Variants in WDR72 observed in about 807,000 individuals in gnomAD.
The protein encoded by WDR72 is WD repeat-containing protein 72.
A neutral mutation model predicts 124.2 loss-of-function variants in WDR72; 120 were observed. That is an observed-to-expected ratio of 0.97 (90% CI 0.83 to 1.12). The LOEUF is 1.12. Ranked by LOEUF, WDR72 falls within the 50% of genes most tolerant of loss-of-function variation. The pLI, the probability that WDR72 is intolerant of heterozygous loss-of-function variation, is 0.00. For missense variants in WDR72, 1,387 were observed against 1,278.8 expected (o/e 1.08, Z -1.29); for synonymous variants, 452 against 441.7 (o/e 1.02, Z -0.29).
At chr15:53,619,366 T>A (rs938711397) in intron 14 of WDR72, among the ~76,000 whole-genome samples, 3 of 151,794 alleles carry the variant, frequency 2.0e-5, no homozygotes, top group Admixed American at 6.6e-5. Context: ...TTTTAGTTTG[T>A]GAATACCAGG....
chr15:53,714,545 C>T, intron 5 of WDR72, 35 bp from the exon 6 acceptor site: 1 of 1,523,848 alleles, frequency 6.6e-7, no homozygotes, highest in Middle Eastern at 1.7e-4. Context: ...ATAAGCTTAC[C>T]ATGGATATAA....
At chr15:53,639,488 TTTTATTTA>T (rs1191649907) in intron 14 of WDR72, among the ~76,000 whole-genome samples, 1 of 145,670 alleles carries the variant, frequency 6.9e-6, no homozygotes, top group Non-Finnish European at 1.5e-5. Context: ...TTTTATATAA[TTTTATTTA>T]TTTATAAAAT....
At chr15:53,533,457 C>T (rs1046090592) in intron 18 of WDR72, among the ~76,000 whole-genome samples, 8 of 151,974 alleles carry the variant, frequency 5.3e-5, no homozygotes, top group Admixed American at 3.3e-4. Context: ...GTATCTTTCC[C>T]TCCAGCCATT....
intron 14 of WDR72, among the ~76,000 whole-genome samples, chr15:53,660,396 G>A (rs1197606188): frequency 6.6e-6 from 1 of 152,016 alleles, no homozygotes; most frequent in African/African-American, 2.4e-5. Context: ...GTTATTTTTT[G>A]TGTCATAAAA....
chr15:53,748,151 T>C (rs1335439767), intron 1 of WDR72, among the ~76,000 whole-genome samples: 1 of 152,118 alleles, frequency 6.6e-6, no homozygotes, highest in African/African-American at 2.4e-5. Context: ...GCCCTCAAAA[T>C]ATTTACCATG....
At chr15:53,711,533 A>C in intron 7 of WDR72, 52 bp from the exon 8 acceptor site, 1 of 1,564,806 alleles carries the variant, frequency 6.4e-7, no homozygotes, top group Non-Finnish European at 8.8e-7. Context: ...TAGTCTGCCA[A>C]TAAGATGAAT....
chr15:53,696,241 C>A (rs17663120), intron 13 of WDR72, among the ~76,000 whole-genome samples: 4 of 151,916 alleles, frequency 2.6e-5, no homozygotes, highest in African/African-American at 7.3e-5. Context: ...AAGTGTGAAC[C>A]CTGTGGAGAG....
intron 12 of WDR72, among the ~76,000 whole-genome samples, chr15:53,701,559 T>TCTCTCTCTCTCTCACACACACACA (rs369568228): frequency 1.7e-5 from 2 of 120,104 alleles, no homozygotes; most frequent in Admixed American, 1.9e-4. Flanking sequence ...TCTCTCTCTC[T>TCTCTCTCTCTCTCACACACACACA]CACACACACA....
At chr15:53,617,362 A>G (rs1465089905) in intron 14 of WDR72, among the ~76,000 whole-genome samples, 1 of 151,738 alleles carries the variant, frequency 6.6e-6, no homozygotes, top group African/African-American at 2.4e-5. Flanking sequence ...GGAAGAAGGA[A>G]TTAATTGGGA....
At chr15:53,699,980 G>C (rs1306512522) in intron 12 of WDR72, 35 bp from the exon 13 acceptor site, 2 of 1,612,646 alleles carry the variant, frequency 1.2e-6, no homozygotes, top group South Asian at 2.2e-5. Flanking sequence ...TAAGTAAATA[G>C]TCAAATGCTT....
At chr15:53,759,905 G>C (rs991693952), upstream of WDR72, among the ~76,000 whole-genome samples, 4 of 151,552 alleles carry the variant, frequency 2.6e-5, no homozygotes, top group South Asian at 2.1e-4. Flanking sequence ...AGCAGCCTGC[G>C]GTTGCCTGTC....
chr15:53,729,496 C>A (rs200720634), intron 2 of WDR72, among the ~76,000 whole-genome samples: 41 of 94,340 alleles, frequency 4.3e-4, no homozygotes, highest in Admixed American at 1.8e-3. Flanking sequence ...GAAAAAAAAA[C>A]AAAACAAAAC....
At chr15:53,544,236 G>A (rs2140266091) in intron 18 of WDR72, among the ~76,000 whole-genome samples, 1 of 140,454 alleles carries the variant, frequency 7.1e-6, no homozygotes, top group South Asian at 2.5e-4. Flanking sequence ...CAATATCCTT[G>A]ATGAACATTG....
At chr15:53,614,309 C>T (rs1488604713) in intron 15 of WDR72, among the ~76,000 whole-genome samples, 1 of 152,038 alleles carries the variant, frequency 6.6e-6, no homozygotes, top group East Asian at 1.9e-4. Context: ...ACCTTCACAA[C>T]CACAGTAAAA....
At chr15:53,717,052 C>A (rs1352014794) in intron 3 of WDR72, among the ~76,000 whole-genome samples, 2 of 152,066 alleles carry the variant, frequency 1.3e-5, no homozygotes, top group African/African-American at 4.8e-5. Flanking sequence ...CTGAAAATCA[C>A]AATGCATCAA....
chr15:53,600,326 G>A (rs2012988411), intron 17 of WDR72, among the ~76,000 whole-genome samples: 1 of 152,052 alleles, frequency 6.6e-6, no homozygotes, highest in Non-Finnish European at 1.5e-5. Flanking sequence ...ATGTTTATAT[G>A]GCATTTTATA....
chr15:53,680,945 A>G (rs1005118820), intron 13 of WDR72, among the ~76,000 whole-genome samples: 9 of 152,232 alleles, frequency 5.9e-5, no homozygotes, highest in Non-Finnish European at 1.3e-4. Flanking sequence ...TTTGCAGCAC[A>G]GAAGATAAAA....
At chr15:53,671,201 G>T (rs1274682841) in intron 13 of WDR72, among the ~76,000 whole-genome samples, 2 of 151,874 alleles carry the variant, frequency 1.3e-5, no homozygotes, top group Admixed American at 1.3e-4. Context: ...TCTCACCCTC[G>T]CTCTGCTTTC....
chr15:53,723,833 A>G (rs1346030336), intron 2 of WDR72, among the ~76,000 whole-genome samples: 2 of 152,208 alleles, frequency 1.3e-5, no homozygotes, highest in South Asian at 2.1e-4. Flanking sequence ...ATGACAAGGG[A>G]AAAAGTCAGT....
Sources: allele counts gnomAD v4.1 joint callset (sites outside exome capture counted in the v4.1 genomes callset), GRCh38; gene constraint gnomAD v4.1.1; transcripts MANE v1.5; gene names NCBI Gene and HGNC (gene_info 2026-07-23, HGNC 2026-07-21).